The following PUM1 variants were observed in gnomAD, a reference collection of about 807,000 sequenced individuals.
PUM1 encodes pumilio RNA binding family member 1, also known as pumilio homolog 1.
A neutral mutation model predicts 131.8 loss-of-function variants in PUM1; 13 were observed. The ratio of observed to expected loss-of-function variants is 0.10; its 90% CI spans 0.06 to 0.16. The LOEUF is 0.16. Ranked by LOEUF, PUM1 falls within the 10% of genes least tolerant of loss-of-function variation. The pLI, the probability that PUM1 is intolerant of heterozygous loss-of-function variation, is 1.00. For synonymous variants in PUM1, 509 were observed against 556.5 expected (o/e 0.91, Z 1.20); for missense variants, 961 against 1,512.4 (o/e 0.64, Z 6.05).
intron 10 of PUM1, among the ~76,000 whole-genome samples, chr1:30,969,204 T>C (rs1640758386): frequency 6.7e-6 from 1 of 148,586 alleles, no homozygotes; most frequent in Admixed American, 6.8e-5. Context: ...CGAGAGAGGA[T>C]GAGGCAGGAG....
chr1:31,063,450 G>A (rs999830563), intron 1 of PUM1, among the ~76,000 whole-genome samples: 1 of 152,098 alleles, frequency 6.6e-6, no homozygotes, highest in Non-Finnish European at 1.5e-5. Context: ...TGAAATAAAA[G>A]CCTTCTCAAA....
At chr1:31,021,543 G>C (rs1365006277) in intron 3 of PUM1, among the ~76,000 whole-genome samples, 1 of 152,084 alleles carries the variant, frequency 6.6e-6, no homozygotes, top group Non-Finnish European at 1.5e-5. Context: ...ACAAACTTTT[G>C]TATGAGAAAA....
chr1:31,059,725 A>G (rs1644326055), intron 1 of PUM1, 148 bp from the exon 2 acceptor site: 1 of 868,550 alleles, frequency 1.2e-6, no homozygotes, highest in Non-Finnish European at 1.7e-6. Flanking sequence ...ATCAGAACTC[A>G]ATACTACCAC....
intron 7 of PUM1, among the ~76,000 whole-genome samples, chr1:30,982,500 C>T (rs1038954254): frequency 4.6e-5 from 7 of 152,236 alleles, no homozygotes; most frequent in African/African-American, 1.4e-4. Context: ...ACTGAAAGCA[C>T]TTACTGAAGT....
At chr1:30,968,632 C>T (rs1452055073) in intron 10 of PUM1, 140 bp from the exon 11 acceptor site, 10 of 768,978 alleles carry the variant, frequency 1.3e-5, no homozygotes, top group Admixed American at 7.7e-5. Flanking sequence ...CAGCTGTTAG[C>T]GTATAAATTC....
At position 31,005,880 on chromosome 1, in the gene PUM1, G is replaced by A. The variant is rs556336800; in HGVS notation, c.693C>T (p.Gly231=). ...ATCCTCCTTTTCTTAGACAGGAATC[G>A]CCCGGGGATGAGCTCAACACATACT... The part of the protein sequence containing the change: ...MVEYVLSSSP[G]DSCLRKGGFG... Residue 231 remains glycine (G), a synonymous_variant, in exon 5 of 22, where the codon GGC becomes GGT. Transcript: ENST00000426105. 1.9e-6 allele frequency: 3 copies of A among 1,604,886 alleles called. No homozygotes were observed. Among genetic ancestry groups the A allele is most frequent in the Admixed American group, 1.7e-5 (1 of 57,546 alleles).
At chr1:31,012,231 A>C (rs1411495068) in intron 3 of PUM1, among the ~76,000 whole-genome samples, 1 of 150,780 alleles carries the variant, frequency 6.6e-6, no homozygotes, top group Non-Finnish European at 1.5e-5. Flanking sequence ...AAAAATCAGC[A>C]GACTGCATTT....
intron 12 of PUM1, 36 bp from the exon 13 acceptor site, chr1:30,966,314 G>A (rs1228311273): frequency 5.3e-6 from 8 of 1,521,556 alleles, no homozygotes; most frequent in Admixed American, 2.2e-5. Context: ...GGCTATGAAA[G>A]GGACTGGCCA....
intron 9 of PUM1, among the ~76,000 whole-genome samples, chr1:30,978,350 C>T (rs1641221896): frequency 6.6e-6 from 1 of 152,198 alleles, no homozygotes; most frequent in Admixed American, 6.5e-5. Context: ...GCATTCAGGA[C>T]AATGCCTGAC....
At position 30,936,751 on chromosome 1, in the gene PUM1, A is replaced by G; in HGVS notation, c.3327T>C (p.Gly1109=). The change falls in exon 21 of 22, where the codon GGT becomes GGC. Residue 1109 remains glycine (G), a synonymous_variant. Transcript: ENST00000426105. The part of the protein sequence containing the change: ...LIDEVCTMND[G]PHSALYTMMK... ...TCATGGTGTATAAGGCACTGTGGGGACCGTCGTTCATGGTGCACACCTCAT... is the reference window on the plus strand; with the variant it reads ...TCATGGTGTATAAGGCACTGTGGGGGCCGTCGTTCATGGTGCACACCTCAT... The G allele has an allele frequency of 6.2e-7, 1 of 1,613,946 alleles. No homozygotes were observed. The highest frequency in any genetic ancestry group is 8.5e-7 in the Non-Finnish European group (1 of 1,179,882).
chr1:31,001,704 T>G (rs754592871), intron 5 of PUM1, among the ~76,000 whole-genome samples: 6 of 152,130 alleles, frequency 3.9e-5, no homozygotes, highest in African/African-American at 7.2e-5. Flanking sequence ...TTTATCCAAT[T>G]TTCACATTTT....
At chr1:30,986,642 G>A (rs1051964135) in intron 7 of PUM1, among the ~76,000 whole-genome samples, 1 of 151,910 alleles carries the variant, frequency 6.6e-6, no homozygotes, top group African/African-American at 2.4e-5. Context: ...TAAGGTCCTA[G>A]GGAAGAACAA....
At chr1:31,061,507 T>G (rs984034798) in intron 1 of PUM1, among the ~76,000 whole-genome samples, 1 of 151,330 alleles carries the variant, frequency 6.6e-6, no homozygotes, top group African/African-American at 2.4e-5. Context: ...TCCCAGCTAC[T>G]TGGGAGGCTG....
intron 3 of PUM1, among the ~76,000 whole-genome samples, chr1:31,018,430 TG>T (rs1642901745): frequency 6.6e-6 from 1 of 152,074 alleles, no homozygotes; most frequent in African/African-American, 2.4e-5. Flanking sequence ...GGGAGGCCGA[TG>T]GATCACCTGA....
intron 9 of PUM1, 30 bp from the exon 10 acceptor site, chr1:30,974,832 G>C: frequency 6.3e-7 from 1 of 1,586,118 alleles, no homozygotes; most frequent in Non-Finnish European, 8.6e-7. Flanking sequence ...GGTAAAGAAA[G>C]TCTGAACTAC....
chr1:30,987,136 T>C (rs1426736398), intron 7 of PUM1, among the ~76,000 whole-genome samples: 1 of 152,084 alleles, frequency 6.6e-6, no homozygotes, highest in African/African-American at 2.4e-5. Context: ...AATTCTACAC[T>C]GATATAATCC....
At chr1:30,945,269 T>C in intron 18 of PUM1, 77 bp downstream of exon 18, 4 of 1,520,830 alleles carry the variant, frequency 2.6e-6, no homozygotes, top group Non-Finnish European at 3.6e-6. Flanking sequence ...ATTGAGAACA[T>C]GCCACAAATC....
chr1:30,941,394 C>G, intron 19 of PUM1, 122 bp from the exon 20 acceptor site: 2 of 968,118 alleles, frequency 2.1e-6, no homozygotes, highest in Admixed American at 5.9e-5. Context: ...TATATGAATA[C>G]TAATGAACAC....
intron 6 of PUM1, 121 bp downstream of exon 6, chr1:30,994,928 CTAGAT>C: frequency 9.6e-7 from 1 of 1,036,558 alleles, no homozygotes; most frequent in Non-Finnish European, 1.4e-6. Context: ...ATAGCCTACA[CTAGAT>C]TGGATTCTTA....
Sources: allele counts gnomAD v4.1 joint callset (sites outside exome capture counted in the v4.1 genomes callset), GRCh38; gene constraint gnomAD v4.1.1; transcripts MANE v1.5; gene names NCBI Gene and HGNC (gene_info 2026-07-23, HGNC 2026-07-21).